FBXL7: variants seen among roughly 807,000 people sequenced by gnomAD.
FBXL7 encodes F-box and leucine rich repeat protein 7, also known as F-box/LRR-repeat protein 7.
A neutral mutation model predicts 38.3 loss-of-function variants in FBXL7; 12 were observed. The observed-to-expected ratio is 0.31, with a 90% CI of 0.20 to 0.51. The LOEUF (loss-of-function observed/expected upper bound fraction) is 0.51, where lower values mean the gene tolerates loss of function less well. FBXL7 is among the 20% of genes least tolerant of loss of function. The probability of loss-of-function intolerance (pLI) is 0.98; values close to 1 mark genes in which losing one functional copy is unlikely to be tolerated. For missense variants in FBXL7, 567 were observed against 676.4 expected, an observed-to-expected ratio of 0.84 and a Z score of 1.79; for synonymous variants, 297 against 300.9, an observed-to-expected ratio of 0.99 and a Z score of 0.13.
intron 1 of FBXL7, among the ~76,000 whole-genome samples, chr5:15,521,746 A>G (rs147128236): frequency 6.6e-6 from 1 of 152,310 alleles, no homozygotes; most frequent in African/African-American, 2.4e-5. Flanking sequence ...AAAGAAGGAT[A>G]AAGAAACTCT....
intron 2 of FBXL7, among the ~76,000 whole-genome samples, chr5:15,820,451 T>C (rs1418665126): frequency 6.6e-6 from 1 of 152,126 alleles, no homozygotes; most frequent in East Asian, 1.9e-4. Flanking sequence ...TCTTATATAA[T>C]CACTTAAACT....
intron 2 of FBXL7, among the ~76,000 whole-genome samples, chr5:15,891,777 T>C (rs758775481): frequency 1.4e-4 from 22 of 152,178 alleles, no homozygotes; most frequent in Middle Eastern, 6.8e-3. Context: ...TGAATAAAGG[T>C]GCTATTTACA....
chr5:15,595,707 C>T (rs1739607646), intron 1 of FBXL7, among the ~76,000 whole-genome samples: 1 of 152,070 alleles, frequency 6.6e-6, no homozygotes, highest in Admixed American at 6.6e-5. Flanking sequence ...AGCATCTTTC[C>T]AAAGTCAAGC....
chr5:15,895,595 TG>T (rs1741072241), intron 2 of FBXL7, among the ~76,000 whole-genome samples: 1 of 151,514 alleles, frequency 6.6e-6, no homozygotes, highest in Non-Finnish European at 1.5e-5. Context: ...GCCTTACAAA[TG>T]ATCACCCATT....
In FBXL7 at chr5:15,655,607, AT is replaced by A. The variant is rs1253779100; in HGVS notation, c.127+39536del. The stretch of plus-strand genomic sequence containing the variant: ...ATCCAGACTACAGTAGAATGTCTTC[AT>A]AAATAAACTATGGTTGATTAGTTTG... On this transcript the variant is annotated intron_variant, in intron 2 of 3. Coordinates refer to ENST00000504595, the MANE Select transcript of FBXL7 (RefSeq NM_012304.5). Among the ~76,000 whole-genome samples, 42 of 152,362 alleles carry A rather than the reference AT, an allele frequency of 2.8e-4. 1 individual carries two copies. The highest frequency in any genetic ancestry group is 9.6e-4 in the African/African-American group (40 of 41,586).
intron 2 of FBXL7, among the ~76,000 whole-genome samples, chr5:15,852,988 C>T (rs1388600945): frequency 6.6e-6 from 1 of 152,150 alleles, no homozygotes; most frequent in Non-Finnish European, 1.5e-5. Flanking sequence ...GGAGGGCTGA[C>T]TATTGTAAGC....
intron 1 of FBXL7, among the ~76,000 whole-genome samples, chr5:15,611,158 T>A (rs1208573103): frequency 2.6e-5 from 4 of 152,184 alleles, no homozygotes; most frequent in African/African-American, 9.7e-5. Flanking sequence ...TGAGGCACTT[T>A]TAGGGTCACT....
chr5:15,666,398 CTATATT>C (rs1742278308), intron 2 of FBXL7, among the ~76,000 whole-genome samples: 2 of 152,150 alleles, frequency 1.3e-5, no homozygotes, highest in Admixed American at 1.3e-4. Context: ...TATTTACAAA[CTATATT>C]TATTTCTGCA....
At chr5:15,673,994 A>G (rs957871941) in intron 2 of FBXL7, among the ~76,000 whole-genome samples, 1 of 152,250 alleles carries the variant, frequency 6.6e-6, no homozygotes, top group Admixed American at 6.5e-5. Context: ...GGGAAAATCA[A>G]TCACATTGTG....
At chr5:15,585,296 A>G (rs1478681777) in intron 1 of FBXL7, among the ~76,000 whole-genome samples, 4 of 152,210 alleles carry the variant, frequency 2.6e-5, no homozygotes, top group Non-Finnish European at 5.9e-5. Context: ...CTCATTGTCC[A>G]TGCTTGTAGG....
chr5:15,732,999 G>A (rs1260107077), intron 2 of FBXL7, among the ~76,000 whole-genome samples: 1 of 152,154 alleles, frequency 6.6e-6, no homozygotes, highest in Non-Finnish European at 1.5e-5. Flanking sequence ...AGACATTACA[G>A]AAATGGTCAC....
At chr5:15,641,048 T>C (rs1741352580) in intron 2 of FBXL7, among the ~76,000 whole-genome samples, 1 of 152,208 alleles carries the variant, frequency 6.6e-6, no homozygotes, top group African/African-American at 2.4e-5. Context: ...CTGAGTTTCT[T>C]GTGGCCTGAG....
chr5:15,757,319 G>A (rs1334226649), intron 2 of FBXL7, among the ~76,000 whole-genome samples: 1 of 152,120 alleles, frequency 6.6e-6, no homozygotes, highest in East Asian at 1.9e-4. Flanking sequence ...CTATTAGGAG[G>A]AAATTGACTA....
chr5:15,695,614 G>A (rs1002044256), intron 2 of FBXL7, among the ~76,000 whole-genome samples: 3 of 152,194 alleles, frequency 2.0e-5, no homozygotes, highest in African/African-American at 4.8e-5. Context: ...CACAACAGCC[G>A]TGATCTATGG....
At chr5:15,929,148 G>T (rs948122281) in intron 3 of FBXL7, among the ~76,000 whole-genome samples, 1 of 152,158 alleles carries the variant, frequency 6.6e-6, no homozygotes, top group Non-Finnish European at 1.5e-5. Context: ...CCCACTGTGG[G>T]TGATAAAACA....
intron 2 of FBXL7, among the ~76,000 whole-genome samples, chr5:15,871,223 G>A (rs976055620): frequency 6.6e-6 from 1 of 152,124 alleles, no homozygotes; most frequent in African/African-American, 2.4e-5. Flanking sequence ...CTGTTAGAAG[G>A]AAAACTAACA....
chr5:15,701,560 TATAATGGGGATTAA>T (rs745457621), intron 2 of FBXL7, among the ~76,000 whole-genome samples: 3 of 152,158 alleles, frequency 2.0e-5, no homozygotes, highest in Non-Finnish European at 2.9e-5. Context: ...ACTGGATACA[TATAATGGGGATTAA>T]ATACCTTAAG....
intron 2 of FBXL7, among the ~76,000 whole-genome samples, chr5:15,846,290 T>C (rs1738901588): frequency 6.6e-6 from 1 of 152,268 alleles, no homozygotes; most frequent in African/African-American, 2.4e-5. Flanking sequence ...GTCAGTTTTT[T>C]AACAAATTAA....
At chr5:15,688,171 T>C (rs577063602) in intron 2 of FBXL7, among the ~76,000 whole-genome samples, 1 of 152,354 alleles carries the variant, frequency 6.6e-6, no homozygotes, top group African/African-American at 2.4e-5. Context: ...AAATTATATA[T>C]GTCGGTTATT....
Sources: allele counts gnomAD v4.1 joint callset (sites outside exome capture counted in the v4.1 genomes callset), GRCh38; gene constraint gnomAD v4.1.1; transcripts MANE v1.5; gene names NCBI Gene and HGNC (gene_info 2026-07-23, HGNC 2026-07-21).